The following NEK11 variants were observed in gnomAD, a reference collection of about 807,000 sequenced individuals.
The protein encoded by NEK11 is serine/threonine-protein kinase Nek11.
Under a neutral mutation model 80.7 loss-of-function variants are expected in NEK11, and 72 were observed. That is an observed-to-expected ratio of 0.89 (90% confidence interval 0.74 to 1.08). The LOEUF is 1.08. Among genes scored for constraint, NEK11 ranks in the 50% least tolerant of loss-of-function variants. The pLI, the probability that NEK11 is intolerant of heterozygous loss-of-function variation, is 0.00. For synonymous variants in NEK11, 251 were observed against 260.7 expected (o/e 0.96, Z 0.36); for missense variants, 764 against 763.6 (o/e 1.00, Z -0.01).
chr3:131,332,847 G>A (rs1422786518), intron 17 of NEK11, among the ~76,000 whole-genome samples: 8 of 152,164 alleles, frequency 5.3e-5, no homozygotes, highest in Non-Finnish European at 1.0e-4. Context: ...CGATGCAATC[G>A]ACTGGAAGAA....
chr3:131,343,511 G>A (rs184316245), intron 17 of NEK11, among the ~76,000 whole-genome samples: 2 of 152,286 alleles, frequency 1.3e-5, no homozygotes, highest in East Asian at 3.9e-4. Flanking sequence ...TAGGGTGAGG[G>A]TCCAACCTTA....
chr3:131,261,536 A>G (rs2095919413), intron 16 of NEK11, among the ~76,000 whole-genome samples: 1 of 152,200 alleles, frequency 6.6e-6, no homozygotes, highest in Non-Finnish European at 1.5e-5. Context: ...GAATGTTAGA[A>G]TTGAGGGAAG....
chr3:131,070,960 T>C (rs2073173295), intron 3 of NEK11, among the ~76,000 whole-genome samples: 1 of 152,208 alleles, frequency 6.6e-6, no homozygotes, highest in Admixed American at 6.6e-5. Flanking sequence ...TTTAAAATTC[T>C]ACAAAAACAT....
intron 7 of NEK11, among the ~76,000 whole-genome samples, chr3:131,139,881 G>A (rs557110739): frequency 2.6e-5 from 4 of 152,302 alleles, no homozygotes; most frequent in African/African-American, 7.2e-5. Flanking sequence ...ACTTTGTAGC[G>A]AGGAGCATCA....
chr3:131,117,866 A>G (rs2081556162), intron 5 of NEK11, among the ~76,000 whole-genome samples: 1 of 152,140 alleles, frequency 6.6e-6, no homozygotes, highest in Admixed American at 6.6e-5. Context: ...GTTTAAGTAG[A>G]TTTTGGGCTG....
intron 4 of NEK11, among the ~76,000 whole-genome samples, chr3:131,099,526 G>A (rs535519781): frequency 1.3e-5 from 2 of 152,262 alleles, no homozygotes; most frequent in East Asian, 3.9e-4. Flanking sequence ...AGTTTGATAG[G>A]AATAGTGTTG....
At chr3:131,029,953 G>GT (rs1376916544) in intron 3 of NEK11, 75 bp downstream of exon 3, 1 of 1,409,744 alleles carries the variant, frequency 7.1e-7, no homozygotes, top group African/African-American at 1.4e-5. Flanking sequence ...TAGGAACATG[G>GT]AGCAGGCCAG....
chr3:131,058,686 C>T (rs1224690984), intron 3 of NEK11, among the ~76,000 whole-genome samples: 1 of 152,122 alleles, frequency 6.6e-6, no homozygotes, highest in Non-Finnish European at 1.5e-5. Context: ...CTTTATGCCT[C>T]AAGATATCAC....
At chr3:131,327,196 T>G (rs2096982202) in intron 17 of NEK11, 1 of 152,362 alleles carries the variant, frequency 6.6e-6, no homozygotes, top group Admixed American at 6.5e-5. Flanking sequence ...CACAAGTCTC[T>G]GCCCAGATGG....
chr3:131,207,411 A>G (rs1249594957), intron 14 of NEK11, among the ~76,000 whole-genome samples: 2 of 152,060 alleles, frequency 1.3e-5, no homozygotes, highest in Non-Finnish European at 2.9e-5. Context: ...GTGAAACGCT[A>G]TCTCTACTAA....
intron 4 of NEK11, 111 bp from the exon 5 acceptor site, chr3:131,109,692 A>G (rs2079764705): frequency 9.1e-7 from 1 of 1,094,866 alleles, no homozygotes; most frequent in Non-Finnish European, 1.3e-6. Context: ...TGATAATTAC[A>G]GAATGGCACT....
intron 17 of NEK11, among the ~76,000 whole-genome samples, chr3:131,310,370 G>A (rs1446602873): frequency 2.0e-5 from 3 of 152,148 alleles, no homozygotes; most frequent in African/African-American, 7.2e-5. Flanking sequence ...AAGATGCAAG[G>A]CTCCAGTGAG....
At chr3:131,048,360 C>T (rs747240092) in intron 3 of NEK11, among the ~76,000 whole-genome samples, 66 of 152,224 alleles carry the variant, frequency 4.3e-4, no homozygotes, top group Non-Finnish European at 7.2e-4. Context: ...TGGAAGTTTC[C>T]TTCTCCCTGT....
chr3:131,297,220 C>A (rs1331200872), intron 17 of NEK11, among the ~76,000 whole-genome samples: 1 of 151,346 alleles, frequency 6.6e-6, no homozygotes, highest in African/African-American at 2.4e-5. Context: ...AGTTCTAGAT[C>A]CCTGAGGAAT....
At chr3:131,314,654 G>A (rs925765317) in intron 17 of NEK11, among the ~76,000 whole-genome samples, 1 of 152,098 alleles carries the variant, frequency 6.6e-6, no homozygotes, top group African/African-American at 2.4e-5. Flanking sequence ...CTGAAAAACT[G>A]GCACAACTTG....
chr3:131,058,004 G>A (rs1577575669), intron 3 of NEK11, among the ~76,000 whole-genome samples: 1 of 152,054 alleles, frequency 6.6e-6, no homozygotes, highest in East Asian at 1.9e-4. Flanking sequence ...TTTTCTTCTA[G>A]GGTTTTTATG....
chr3:131,334,683 GT>G lies in NEK11; in HGVS notation c.1719-14867del, dbSNP rs891843476. Among the ~76,000 whole-genome samples the G allele has an allele frequency of 2.6e-5, 4 of 152,070 alleles. No individual in the cohort carries two copies. In the East Asian group the frequency reaches 5.8e-4, roughly 22 times the overall value. The stretch of plus-strand genomic sequence containing the variant: ...AAAAAATTAATGAATCCAGGAGCTG[GT>G]TTTTTTGAAAGGATCAACAAAATTG... On this transcript the variant is annotated intron_variant, in intron 17 of 17. Transcript: ENST00000383366.
chr3:131,293,757 T>A (rs560409079), intron 17 of NEK11, among the ~76,000 whole-genome samples: 2 of 152,282 alleles, frequency 1.3e-5, no homozygotes, highest in East Asian at 1.9e-4. Flanking sequence ...TTATTAATTA[T>A]TGATTCAATT....
At chr3:131,106,213 T>G (rs1376066482) in intron 4 of NEK11, among the ~76,000 whole-genome samples, 1 of 151,888 alleles carries the variant, frequency 6.6e-6, no homozygotes, top group Admixed American at 6.6e-5. Flanking sequence ...TTATTAACAG[T>G]CCCAACTGTC....
Sources: allele counts gnomAD v4.1 joint callset (sites outside exome capture counted in the v4.1 genomes callset), GRCh38; gene constraint gnomAD v4.1.1; transcripts MANE v1.5; gene names NCBI Gene and HGNC (gene_info 2026-07-23, HGNC 2026-07-21).